CDH12: variants seen among roughly 807,000 people sequenced by gnomAD.
The protein encoded by CDH12 is cadherin 12.
Under a neutral mutation model 74.1 loss-of-function variants are expected in CDH12, and 41 were observed. That is an observed-to-expected ratio of 0.55 (90% CI 0.43 to 0.72). CDH12 has a LOEUF of 0.72. Among genes scored for constraint, CDH12 ranks in the 30% least tolerant of loss-of-function variants. The pLI, the probability that CDH12 is intolerant of heterozygous loss-of-function variation, is 0.00. For synonymous variants in CDH12, 399 were observed against 355.0 expected (o/e 1.12, Z -1.39); for missense variants, 945 against 977.2 (o/e 0.97, Z 0.44).
intron 1 of CDH12, among the ~76,000 whole-genome samples, chr5:22,780,323 C>G (rs1241755882): frequency 6.6e-6 from 1 of 152,070 alleles, no homozygotes; most frequent in Non-Finnish European, 1.5e-5. Flanking sequence ...TCCAGGATTT[C>G]AAGGCTGCAG....
chr5:22,550,632 T>G (rs1738522125), intron 1 of CDH12, among the ~76,000 whole-genome samples: 1 of 152,334 alleles, frequency 6.6e-6, no homozygotes, highest in South Asian at 2.1e-4. Context: ...ACCATTTCTT[T>G]TTGTCCACAC....
At chr5:21,752,284 C>A (rs190205799) in intron 14 of CDH12, 48 bp from the exon 15 acceptor site, 15,979 of 1,506,744 alleles carry the variant, frequency 0.011, 121 homozygotes, top group Non-Finnish European at 0.013. Flanking sequence ...GCAGATAGGT[C>A]ATTTCATCTC....
At chr5:22,790,459 C>G (rs1747851346) in intron 1 of CDH12, among the ~76,000 whole-genome samples, 3 of 151,988 alleles carry the variant, frequency 2.0e-5, no homozygotes, top group Non-Finnish European at 2.9e-5. Flanking sequence ...AAGTTCAGTC[C>G]TTACAAGTTA....
At chr5:22,758,668 A>G (rs1746056826) in intron 1 of CDH12, among the ~76,000 whole-genome samples, 1 of 152,156 alleles carries the variant, frequency 6.6e-6, no homozygotes, top group Non-Finnish European at 1.5e-5. Context: ...TGCTTTAATA[A>G]TACTAAATTG....
At chr5:22,829,263 AG>A (rs1417022826) in intron 1 of CDH12, among the ~76,000 whole-genome samples, 1 of 152,164 alleles carries the variant, frequency 6.6e-6, no homozygotes, top group African/African-American at 2.4e-5. Flanking sequence ...AACTATCTGC[AG>A]TTTAATATTT....
chr5:21,832,155 C>T (rs1446988752), intron 8 of CDH12, among the ~76,000 whole-genome samples: 3 of 152,054 alleles, frequency 2.0e-5, no homozygotes, highest in Non-Finnish European at 4.4e-5. Context: ...TATTTTTGCT[C>T]ATATGCTAGG....
intron 10 of CDH12, among the ~76,000 whole-genome samples, chr5:21,790,323 G>A (rs914776435): frequency 5.3e-5 from 8 of 151,866 alleles, no homozygotes; most frequent in African/African-American, 1.5e-4. Context: ...CAAATAATAC[G>A]TTTATCTCTT....
At chr5:22,687,393 A>T (rs189779459) in intron 1 of CDH12, among the ~76,000 whole-genome samples, 54 of 152,262 alleles carry the variant, frequency 3.5e-4, no homozygotes, top group Middle Eastern at 6.8e-3. Flanking sequence ...AGCACTGTAA[A>T]ATTCCTCCAC....
At chr5:22,488,331 T>C (rs1272760747) in intron 2 of CDH12, among the ~76,000 whole-genome samples, 1 of 152,228 alleles carries the variant, frequency 6.6e-6, no homozygotes, top group African/African-American at 2.4e-5. Flanking sequence ...TTTCCGTGGG[T>C]GTCAATTTAC....
At chr5:22,850,479 C>T (rs1737500215) in intron 1 of CDH12, among the ~76,000 whole-genome samples, 1 of 151,992 alleles carries the variant, frequency 6.6e-6, no homozygotes, top group South Asian at 2.1e-4. Flanking sequence ...TTTTTGGGTA[C>T]TATTTAAGCC....
chr5:22,224,931 C>T (rs1471742609), intron 3 of CDH12, among the ~76,000 whole-genome samples: 1 of 151,738 alleles, frequency 6.6e-6, no homozygotes, highest in Admixed American at 6.6e-5. Context: ...ACTTTATATA[C>T]ATTAATGTGT....
chr5:22,584,662 G>A (rs946725553), intron 1 of CDH12, among the ~76,000 whole-genome samples: 2 of 151,896 alleles, frequency 1.3e-5, no homozygotes, highest in Non-Finnish European at 2.9e-5. Context: ...TTGGTTTTCT[G>A]CTGGCTGTGA....
intron 1 of CDH12, chr5:22,638,740 T>A (rs1738969983): frequency 6.6e-6 from 1 of 152,214 alleles, no homozygotes. Context: ...AAGGACAGGC[T>A]GTGAGCACTT....
At chr5:22,080,144 T>G (rs1459396977) in intron 4 of CDH12, among the ~76,000 whole-genome samples, 1 of 146,530 alleles carries the variant, frequency 6.8e-6, no homozygotes, top group Non-Finnish European at 1.5e-5. Context: ...TATATAATGC[T>G]TCCAAAACAA....
intron 1 of CDH12, among the ~76,000 whole-genome samples, chr5:22,780,718 T>A (rs1371201069): frequency 6.6e-6 from 1 of 152,100 alleles, no homozygotes; most frequent in Non-Finnish European, 1.5e-5. Flanking sequence ...CCAAACCATA[T>A]CAGCTATAAT....
At chr5:21,776,128 C>G (rs1745572677) in intron 11 of CDH12, among the ~76,000 whole-genome samples, 1 of 152,124 alleles carries the variant, frequency 6.6e-6, no homozygotes, top group South Asian at 2.1e-4. Flanking sequence ...TTTGATCATG[C>G]CAGCTGCCAT....
At chr5:22,251,886 G>A (rs1402815034) in intron 3 of CDH12, among the ~76,000 whole-genome samples, 2 of 152,076 alleles carry the variant, frequency 1.3e-5, no homozygotes, top group Non-Finnish European at 1.5e-5. Flanking sequence ...ATTTTCTTGT[G>A]ATTAAGATAT....
intron 2 of CDH12, among the ~76,000 whole-genome samples, chr5:22,443,002 G>C (rs1346563464): frequency 6.6e-6 from 1 of 152,084 alleles, no homozygotes; most frequent in Non-Finnish European, 1.5e-5. Context: ...CACAGGTCTT[G>C]CCTAGGCCAA....
At chr5:21,869,300 C>T (rs956653418) in intron 6 of CDH12, among the ~76,000 whole-genome samples, 4 of 152,092 alleles carry the variant, frequency 2.6e-5, no homozygotes, top group African/African-American at 9.7e-5. Flanking sequence ...ATAATTCAAT[C>T]TATGTAGGAC....
Sources: allele counts gnomAD v4.1 joint callset (sites outside exome capture counted in the v4.1 genomes callset), GRCh38; gene constraint gnomAD v4.1.1; transcripts MANE v1.5; gene names NCBI Gene and HGNC (gene_info 2026-07-23, HGNC 2026-07-21).